The following EHBP1 variants were observed in gnomAD, a reference collection of about 807,000 sequenced individuals.
The protein encoded by EHBP1 is EH domain binding protein 1.
EHBP1 carries 55 observed loss-of-function variants against 144.0 expected under a neutral mutation model. The ratio of observed to expected loss-of-function variants is 0.38; its 90% CI spans 0.31 to 0.48. The LOEUF (loss-of-function observed/expected upper bound fraction) is 0.48. EHBP1 is among the 20% of genes least tolerant of loss of function. EHBP1 has a pLI of 0.98. For synonymous variants in EHBP1, 469 were observed against 472.7 expected (o/e 0.99, Z 0.10); for missense variants, 1,200 against 1,364.2 (o/e 0.88, Z 1.90).
At chr2:62,868,544 C>T (rs1299495920) in intron 9 of EHBP1, among the ~76,000 whole-genome samples, 2 of 152,148 alleles carry the variant, frequency 1.3e-5, no homozygotes, top group Non-Finnish European at 2.9e-5. Flanking sequence ...CTTTATAAAA[C>T]TCTTACAAAA....
chr2:62,771,588 G>GT, intron 5 of EHBP1, 196 bp downstream of exon 5: 1 of 439,406 alleles, frequency 2.3e-6, no homozygotes, highest in South Asian at 3.8e-5. Flanking sequence ...TATTAACACT[G>GT]TAAGTCTTCA....
At chr2:62,903,162 G>T (rs898227371) in intron 10 of EHBP1, among the ~76,000 whole-genome samples, 1 of 152,050 alleles carries the variant, frequency 6.6e-6, no homozygotes, top group Non-Finnish European at 1.5e-5. Context: ...AGGGTTTAGT[G>T]GGCAAATTTA....
chr2:62,926,396 A>G (rs1032732245), intron 10 of EHBP1, among the ~76,000 whole-genome samples: 3 of 152,160 alleles, frequency 2.0e-5, no homozygotes, highest in Admixed American at 1.3e-4. Flanking sequence ...TGAAAAGACA[A>G]CCTACAGAAT....
chr2:62,906,833 A>G (rs2053847600), intron 10 of EHBP1, among the ~76,000 whole-genome samples: 1 of 152,260 alleles, frequency 6.6e-6, no homozygotes, highest in African/African-American at 2.4e-5. Context: ...AATGTAATAT[A>G]AATGGAACCA....
intron 18 of EHBP1, among the ~76,000 whole-genome samples, chr2:62,995,249 T>A (rs895143831): frequency 6.6e-6 from 1 of 152,212 alleles, no homozygotes. Flanking sequence ...ATAAATTTTT[T>A]AAAAATACAG....
At chr2:62,683,745 G>T (rs529114516) in intron 1 of EHBP1, among the ~76,000 whole-genome samples, 12 of 151,612 alleles carry the variant, frequency 7.9e-5, no homozygotes, top group Non-Finnish European at 1.8e-4. Flanking sequence ...AAAGAAGGGG[G>T]AATTAATGTC....
At chr2:62,955,808 A>C in intron 14 of EHBP1, 148 bp downstream of exon 14, 1 of 776,726 alleles carries the variant, frequency 1.3e-6, no homozygotes, top group Non-Finnish European at 1.9e-6. Flanking sequence ...GATAAAGATA[A>C]ATTCATACTT....
At chr2:62,927,025 A>G (rs1448966683) in intron 10 of EHBP1, among the ~76,000 whole-genome samples, 1 of 152,182 alleles carries the variant, frequency 6.6e-6, no homozygotes, top group African/African-American at 2.4e-5. Flanking sequence ...AAAGAATGAA[A>G]TCCTGCCATT....
chr2:62,867,995 C>T (rs546535017), intron 9 of EHBP1, among the ~76,000 whole-genome samples: 3 of 151,550 alleles, frequency 2.0e-5, no homozygotes, highest in African/African-American at 7.3e-5. Context: ...TGCCCCTCCT[C>T]AACAAAAAAA....
chr2:62,860,446 C>CACTCCAGCCTGG (rs1345101409), intron 8 of EHBP1, among the ~76,000 whole-genome samples: 2 of 151,854 alleles, frequency 1.3e-5, no homozygotes, highest in Non-Finnish European at 2.9e-5. Flanking sequence ...ACCAAGATCG[C>CACTCCAGCCTGG]GCCATTGCAC....
intron 10 of EHBP1, among the ~76,000 whole-genome samples, chr2:62,939,463 T>C (rs896783184): frequency 1.3e-5 from 2 of 151,986 alleles, no homozygotes; most frequent in African/African-American, 4.8e-5. Context: ...TTAGTACAGG[T>C]GGGGTTTCAC....
intron 19 of EHBP1, among the ~76,000 whole-genome samples, chr2:63,031,126 A>G (rs2061231229): frequency 6.6e-6 from 1 of 152,110 alleles, no homozygotes; most frequent in Non-Finnish European, 1.5e-5. Context: ...AAATTATTTT[A>G]TTCAACTATT....
In EHBP1 at chr2:62,831,156, C is replaced by T. The variant is rs1482437430; in HGVS notation, c.632C>T (p.Thr211Ile). ...CAAGAAGAAAAGGCAGCTAAAATTA[C>T]AGGTTGGTTTTATTAGCATTAAACT... ...VNQEEKAAKI[T>I]ELINKLNFLD... is the part of the protein sequence containing the mutation. Residue 211 changes from threonine (T) to isoleucine (I), a missense_variant and splice_region_variant, in exon 7 of 23, where the codon ACA becomes ATA. By Grantham distance (89) the Thr-to-Ile change is moderately conservative. Around this residue, in one of 6 missense-constraint regions of EHBP1, gnomAD observed 266 missense variants for 262.4 expected, o/e 1.01. Coordinates refer to ENST00000431489, the MANE Select transcript of EHBP1 (RefSeq NM_001142616.3). 7 of 1,592,686 alleles carry T rather than the reference C, an allele frequency of 4.4e-6. No individual in the cohort carries two copies. The highest frequency in any genetic ancestry group is 6.0e-6 in the Non-Finnish European group (7 of 1,172,958).
intron 1 of EHBP1, among the ~76,000 whole-genome samples, chr2:62,693,620 G>T (rs1004130099): frequency 6.6e-6 from 1 of 152,136 alleles, no homozygotes; most frequent in African/African-American, 2.4e-5. Flanking sequence ...ATTTCTTTGT[G>T]TTGGCAACAT....
intron 1 of EHBP1, among the ~76,000 whole-genome samples, chr2:62,686,999 T>C (rs1558508369): frequency 6.6e-6 from 1 of 152,186 alleles, no homozygotes; most frequent in Non-Finnish European, 1.5e-5. Context: ...AAGAAACCAT[T>C]CAACTGGTAA....
At chr2:62,780,950 T>C (rs1186419767) in intron 5 of EHBP1, among the ~76,000 whole-genome samples, 1 of 152,216 alleles carries the variant, frequency 6.6e-6, no homozygotes, top group Non-Finnish European at 1.5e-5. Flanking sequence ...ACATTACAGA[T>C]CAAGTACTGC....
At chr2:62,923,481 A>G (rs2153013556) in intron 10 of EHBP1, among the ~76,000 whole-genome samples, 1 of 152,280 alleles carries the variant, frequency 6.6e-6, no homozygotes, top group East Asian at 1.9e-4. Context: ...CTGACCTGCC[A>G]ATTGGCCCCA....
At chr2:62,678,257 T>C (rs2033381037) in intron 1 of EHBP1, among the ~76,000 whole-genome samples, 1 of 152,260 alleles carries the variant, frequency 6.6e-6, no homozygotes, top group South Asian at 2.1e-4. Flanking sequence ...TTTTTTCATA[T>C]ACCTGTTTGC....
At chr2:62,893,119 G>A (rs1360861888) in intron 10 of EHBP1, among the ~76,000 whole-genome samples, 1 of 152,148 alleles carries the variant, frequency 6.6e-6, no homozygotes, top group Non-Finnish European at 1.5e-5. Flanking sequence ...TCCAAGTAGT[G>A]TTACCCTAAT....
Sources: allele counts gnomAD v4.1 joint callset (sites outside exome capture counted in the v4.1 genomes callset), GRCh38; gene constraint gnomAD v4.1.1; regional missense constraint gnomAD v4.1.1; transcripts MANE v1.5; gene names NCBI Gene and HGNC (gene_info 2026-07-23, HGNC 2026-07-21).